The following CNST variants were observed in gnomAD, a reference collection of about 807,000 sequenced individuals.
CNST encodes the protein consortin, connexin sorting protein.
A neutral mutation model predicts 72.4 loss-of-function variants in CNST; 39 were observed. The observed-to-expected ratio is 0.54, with a 90% CI of 0.42 to 0.70. The LOEUF is 0.70. Ranked by LOEUF, CNST falls within the 30% of genes least tolerant of loss-of-function variation. The pLI is 0.00. For missense variants in CNST, 871 were observed against 868.5 expected (o/e 1.00, Z -0.04); for synonymous variants, 332 against 320.1 (o/e 1.04, Z -0.40).
chr1:246,653,710 GCT>G (rs1666621394), intron 9 of CNST, among the ~76,000 whole-genome samples: 1 of 152,162 alleles, frequency 6.6e-6, no homozygotes, highest in Non-Finnish European at 1.5e-5. Context: ...CTTGCGCAAA[GCT>G]CTTTTTCTTT....
intron 2 of CNST, among the ~76,000 whole-genome samples, chr1:246,610,538 G>T (rs7520403): frequency 0.46 from 69,429 of 151,930 alleles, 17,338 homozygotes; most frequent in Non-Finnish European, 0.56. Context: ...GCTTGGTGAT[G>T]TCTTTGTATT....
chr1:246,621,192 C>T (rs1407659235), intron 2 of CNST, among the ~76,000 whole-genome samples: 2 of 152,180 alleles, frequency 1.3e-5, no homozygotes, highest in African/African-American at 2.4e-5. Context: ...TTAGCTCTGG[C>T]ATCTGAATTC....
chr1:246,575,437 C>T (rs1660342294), intron 1 of CNST, among the ~76,000 whole-genome samples: 1 of 152,178 alleles, frequency 6.6e-6, no homozygotes, highest in Admixed American at 6.5e-5. Context: ...CCCTTGAAAA[C>T]ATGCTGAGTG....
Position 246,566,551 on chromosome 1 carries a change from C to G in CNST, c.-164C>G. 1 of 415,108 alleles carries G rather than the reference C, an allele frequency of 2.4e-6. No individual in the cohort carries two copies. The highest frequency in any genetic ancestry group is 3.4e-5 in the East Asian group (1 of 29,486). 25.7% of individuals were successfully genotyped at this position (415,108 alleles called of 1,614,324 possible). A position where few individuals can be genotyped will look rare whatever the true frequency, so the allele number is the denominator to read the frequency against. ...CGAGAGGTGTCTCCTCCACCGGAGC[C>G]AGGGGAGACCCGAGCAAGCTCCGTG... On this transcript the variant is annotated 5_prime_UTR_variant, in exon 1 of 11. Transcript: ENST00000366513.
chr1:246,625,410 CTTTCTTTTTTT>C (rs1664348442), intron 3 of CNST, among the ~76,000 whole-genome samples: 1 of 115,306 alleles, frequency 8.7e-6, no homozygotes. Flanking sequence ...CTAATTATTT[CTTTCTTTTTTT>C]TTTTTTTTTT....
Position 246,616,524 on chromosome 1 carries a change from C to T in CNST, c.380-4905C>T, listed in dbSNP as rs147904634. Among the ~76,000 whole-genome samples, 711 of 152,168 alleles carry T rather than the reference C, an allele frequency of 4.7e-3. 25 individuals carry two copies. The highest frequency in any genetic ancestry group is 0.036 in the Admixed American group (544 of 15,298). Reference sequence around the variant, plus strand: ...AGTGAGTCATGATTGGGCCACTGCACTCCAGCCTGAGCAACAGAATGAGAC... The same window carrying T: ...AGTGAGTCATGATTGGGCCACTGCATTCCAGCCTGAGCAACAGAATGAGAC... On this transcript the variant is annotated intron_variant, in intron 2 of 10. Coordinates refer to ENST00000366513, the MANE Select transcript of CNST (RefSeq NM_152609.3).
chr1:246,585,721 T>C (rs890576114), intron 1 of CNST, among the ~76,000 whole-genome samples: 5 of 141,692 alleles, frequency 3.5e-5, no homozygotes, highest in Non-Finnish European at 6.0e-5. Context: ...ACTATATATG[T>C]ATACAGCATA....
chr1:246,662,122 C>A (rs998032868), intron 10 of CNST, among the ~76,000 whole-genome samples: 1 of 152,124 alleles, frequency 6.6e-6, no homozygotes, highest in Non-Finnish European at 1.5e-5. Context: ...TATTGAAAAG[C>A]GTGTCAGATA....
intron 9 of CNST, among the ~76,000 whole-genome samples, chr1:246,653,653 C>T (rs556918313): frequency 3.9e-5 from 6 of 152,250 alleles, no homozygotes; most frequent in Admixed American, 3.3e-4. Flanking sequence ...TTTATCATGA[C>T]CTCTACATTT....
intron 1 of CNST, among the ~76,000 whole-genome samples, chr1:246,567,110 C>A (rs1016531504): frequency 6.7e-6 from 1 of 150,142 alleles, no homozygotes; most frequent in Admixed American, 6.6e-5. Flanking sequence ...TTCCATTCCT[C>A]TCTCTGGGCC....
intron 9 of CNST, among the ~76,000 whole-genome samples, chr1:246,656,447 C>G (rs1178543508): frequency 6.6e-6 from 1 of 152,076 alleles, no homozygotes; most frequent in African/African-American, 2.4e-5. Flanking sequence ...ATTCATAGAG[C>G]ACCACCCGTA....
At chr1:246,664,629 T>A (rs905292049) in intron 10 of CNST, among the ~76,000 whole-genome samples, 1 of 152,114 alleles carries the variant, frequency 6.6e-6, no homozygotes, top group Non-Finnish European at 1.5e-5. Context: ...GGTTTCACCG[T>A]GTCAGCCAGG....
chr1:246,650,481 ACT>A (rs1666387487), intron 9 of CNST, among the ~76,000 whole-genome samples: 1 of 152,184 alleles, frequency 6.6e-6, no homozygotes, highest in Non-Finnish European at 1.5e-5. Context: ...AGTCTGCCTA[ACT>A]CTGTCAGGAA....
chr1:246,631,749 G>T, intron 3 of CNST, 145 bp from the exon 4 acceptor site: 1 of 652,066 alleles, frequency 1.5e-6, no homozygotes, highest in Non-Finnish European at 2.8e-6. Context: ...GATTTCTTCT[G>T]AACTGTTGAA....
chr1:246,634,940 T>G (rs1238126208), intron 6 of CNST, among the ~76,000 whole-genome samples: 1 of 152,046 alleles, frequency 6.6e-6, no homozygotes, highest in Non-Finnish European at 1.5e-5. Flanking sequence ...GGCCTCTCTG[T>G]CTATCCTCGG....
In CNST at chr1:246,648,031, T is replaced by C. The variant is rs768630086; in HGVS notation, c.1830T>C (p.Ile610=). The C allele has an allele frequency of 6.2e-7, 1 of 1,603,776 alleles. No individual in the cohort carries two copies. The highest frequency in any genetic ancestry group is 2.2e-5 in the East Asian group (1 of 44,768). The change falls in exon 9 of 11, where the codon ATT becomes ATC. Residue 610 remains isoleucine, a synonymous_variant. Transcript: ENST00000366513. ...ATGATCTTGCCAAAAGGATAGAGAT[T>C]GCAGAGGTAAATCAGAGATGAAGTA... ...SLDDLAKRIE[I]AEVVPTEGLV... is the part of the protein sequence containing the mutation.
chr1:246,636,547 G>A (rs535711429), intron 6 of CNST, among the ~76,000 whole-genome samples: 4 of 152,292 alleles, frequency 2.6e-5, no homozygotes, highest in South Asian at 2.1e-4. Flanking sequence ...TGGTTTTTGT[G>A]TAAAGGGATG....
chr1:246,604,651 T>C lies in CNST; in HGVS notation c.379+12710T>C, dbSNP rs1231191328. On this transcript the variant is annotated intron_variant, in intron 2 of 10. Coordinates refer to ENST00000366513, the MANE Select transcript of CNST (RefSeq NM_152609.3). ...ATATATATTTTCAGGAGACGGAATA[T>C]ATATATATAATACTTATATTTATTG... Among the ~76,000 whole-genome samples the C allele has an allele frequency of 3.3e-5, 5 of 151,412 alleles. No individual in the cohort carries two copies. In the East Asian group the frequency reaches 7.7e-4, roughly 23 times the overall value.
intron 9 of CNST, among the ~76,000 whole-genome samples, chr1:246,652,042 T>C (rs1034977538): frequency 6.6e-6 from 1 of 152,224 alleles, no homozygotes; most frequent in Non-Finnish European, 1.5e-5. Flanking sequence ...TGTTGTCTTT[T>C]TGCTGAATTT....
Sources: gnomAD v4.1 joint callset for allele counts (sites outside exome capture counted in the v4.1 genomes callset) on GRCh38, gnomAD v4.1.1 for gene constraint, MANE v1.5 for transcripts, NCBI Gene and HGNC (gene_info 2026-07-23, HGNC 2026-07-21) for gene names.